Variants in CAMTA2 observed in about 807,000 individuals in gnomAD.
The protein encoded by CAMTA2 is calmodulin binding transcription activator 2.
CAMTA2 carries 56 observed loss-of-function variants against 135.7 expected under a neutral mutation model. The observed-to-expected ratio is 0.41, with a 90% confidence interval of 0.33 to 0.52. The LOEUF (loss-of-function observed/expected upper bound fraction) is 0.52, where lower values mean the gene tolerates loss of function less well. CAMTA2 is among the 20% of genes least tolerant of loss of function. The pLI, the probability that CAMTA2 is intolerant of heterozygous loss-of-function variation, is 0.16. For missense variants in CAMTA2, 1,358 were observed against 1,553.4 expected (o/e 0.87, Z 2.11); for synonymous variants, 591 against 604.6 (o/e 0.98, Z 0.33).
chr17:4,972,342 C>G lies in CAMTA2; in HGVS notation c.2698G>C (p.Ala900Pro), dbSNP rs199714272. 5.0e-6 allele frequency: 8 copies of G among 1,613,508 alleles called. No homozygotes were observed. Among genetic ancestry groups the G allele is most frequent in the Non-Finnish European group, 6.8e-6 (8 of 1,179,740 alleles). Reference protein sequence around the residue: ...EAPLLLMDYEATNSKGPLSSL... With the variant: ...EAPLLLMDYEPTNSKGPLSSL... Reference sequence around the variant, plus strand: ...GAGAGGGGCCCCTTGGAGTTGGTAGCCTCATAGTCCATGAGGAGTAGGGGG... The same window carrying G: ...GAGAGGGGCCCCTTGGAGTTGGTAGGCTCATAGTCCATGAGGAGTAGGGGG... Residue 900 changes from alanine (A) to proline (P), a missense_variant, in exon 16 of 23, where the codon GCT becomes CCT. Transcript: ENST00000348066.
Position 4,969,816 on chromosome 17 carries a change from C to G in CAMTA2, c.3189+86G>C. On this transcript the variant is annotated intron_variant, in intron 18 of 22. Transcript: ENST00000348066. This position sits in a 1 kb window ranked among gnomAD's most constrained non-coding sequence, Gnocchi z 5.6. The stretch of plus-strand genomic sequence containing the variant: ...TTACCCCATCCAAGGCCTGTCTGCA[C>G]GACTACTCATCCTCCAAAAGCCCTG... The G allele has an allele frequency of 6.3e-7, 1 of 1,589,282 alleles. No homozygotes were observed.
At chr17:4,973,549 A>G (rs1567687510) in intron 13 of CAMTA2, 36 bp downstream of exon 13, 1 of 1,580,136 alleles carries the variant, frequency 6.3e-7, no homozygotes, top group South Asian at 1.1e-5. Context: ...TCTGTCCCAG[A>G]GGCTGCCCAG....
chr17:4,986,861 T>A, intron 1 of CAMTA2: 1 of 1,029,486 alleles, frequency 9.7e-7, no homozygotes, highest in Non-Finnish European at 1.5e-6. Context: ...ATTCCCACCC[T>A]CAGGACAACC....
rs1376964118 is a variant in CAMTA2, at chr17:4,973,532, T to A, written c.2201+53A>T. 2.1e-5 allele frequency: 33 copies of A among 1,539,564 alleles called. No individual in the cohort carries two copies. In the South Asian group the frequency reaches 3.9e-4, roughly 18 times the overall value. ...GTCCTCCAATTCCTCTTCAGTCCCC[T>A]GACACTTCTGTCCCAGAGGCTGCCC... On this transcript the variant is annotated intron_variant, in intron 13 of 22. Coordinates refer to ENST00000348066, the MANE Select transcript of CAMTA2 (RefSeq NM_015099.4).
intron 3 of CAMTA2, 79 bp from the exon 4 acceptor site, chr17:4,983,122 T>A: frequency 8.2e-7 from 1 of 1,219,674 alleles, no homozygotes; most frequent in Non-Finnish European, 1.2e-6. Context: ...CCTGTCAGTG[T>A]CTCACTCTCT....
chr17:4,987,179 G>C, intron 1 of CAMTA2: 2 of 1,347,038 alleles, frequency 1.5e-6, no homozygotes, highest in South Asian at 3.9e-5. Context: ...TGCGGAGCGG[G>C]AGCGGGTCCT....
Position 4,974,504 on chromosome 17 carries a change from A to AG in CAMTA2, c.1901-5dup. 1.3e-6 allele frequency: 2 copies of AG among 1,599,912 alleles called. No homozygotes were observed. Among genetic ancestry groups the AG allele is most frequent in the Non-Finnish European group, 1.7e-6 (2 of 1,167,120 alleles). ...ATGGACATCCGGAACTGGTTGTCTG[A>AG]GGGGGAACGGGTATGGGAGGCTGAG... On this transcript the variant is annotated splice_region_variant and splice_polypyrimidine_tract_variant and intron_variant, in intron 11 of 22. Coordinates refer to ENST00000348066, the MANE Select transcript of CAMTA2 (RefSeq NM_015099.4).
intron 16 of CAMTA2, among the ~76,000 whole-genome samples, chr17:4,971,597 G>A (rs564959287): frequency 1.8e-4 from 28 of 152,046 alleles, no homozygotes; most frequent in African/African-American, 6.3e-4. Flanking sequence ...CTCCCACCTC[G>A]TTCTCTGAAA....
At chr17:4,973,134 G>T in intron 14 of CAMTA2, 41 bp downstream of exon 14, 1 of 1,571,008 alleles carries the variant, frequency 6.4e-7, no homozygotes, top group Non-Finnish European at 8.7e-7. Context: ...TGTTCCCATT[G>T]CTCCCTGCCC....
At chr17:4,984,643 G>A (rs1051066310) in intron 3 of CAMTA2, among the ~76,000 whole-genome samples, 3 of 152,192 alleles carry the variant, frequency 2.0e-5, no homozygotes, top group Non-Finnish European at 4.4e-5. Context: ...CTACATACAA[G>A]GCAGTAAGTA....
At chr17:4,987,054 G>C (rs1400441492) in intron 1 of CAMTA2, 1 of 1,409,094 alleles carries the variant, frequency 7.1e-7, no homozygotes, top group Non-Finnish European at 9.2e-7. Context: ...AGGTGTCCAG[G>C]ATGGAGATGG....
chr17:4,972,780 C>T lies in CAMTA2; in HGVS notation c.2492G>A (p.Ser831Asn), dbSNP rs376491320. 12 of 1,613,312 alleles carry T rather than the reference C, an allele frequency of 7.4e-6. No homozygotes were observed. Among genetic ancestry groups the T allele is most frequent in the African/African-American group, 4.0e-5 (3 of 74,922 alleles). The part of the protein sequence containing the change: ...PPFALSPPSS[S>N]PDTGLSSVSS... ...AGGGCCACCCTCACCAGTGTCTGGG[C>T]TGGAGGAGGGTGGCGATAGGGCAAA... The change falls in exon 15 of 23, where the codon AGC becomes AAC. Residue 831 changes from serine (S) to asparagine (N), a missense_variant. Physicochemically the swap from Ser to Asn is conservative, Grantham distance 46. This residue lies in a region of CAMTA2 where 1,077 missense variants were observed against 1,127.5 expected (regional missense o/e 0.96). Coordinates refer to ENST00000348066, the MANE Select transcript of CAMTA2 (RefSeq NM_015099.4).
In CAMTA2 at chr17:4,985,973, G is replaced by A; in HGVS notation, c.42C>T (p.His14=). The change falls in exon 3 of 23, where the codon CAC becomes CAT. Residue 14 remains histidine (H), a synonymous_variant. Coordinates refer to ENST00000348066, the MANE Select transcript of CAMTA2 (RefSeq NM_015099.4). ...KDTTEVAENS[H]HLKIFLPKKL... ...TCTTGGGGAGAAAGATCTTCAGGTG[G>A]TGGCTGTTTTCTAAAGGGAATTAGA... 5.6e-6 allele frequency: 9 copies of A among 1,613,188 alleles called. No individual in the cohort carries two copies. The highest frequency in any genetic ancestry group is 6.8e-6 in the Non-Finnish European group (8 of 1,179,114).
Position 4,972,550 on chromosome 17 carries a change from G to A in CAMTA2, c.2504-14C>T, listed in dbSNP as rs1245279196. On this transcript the variant is annotated splice_polypyrimidine_tract_variant and intron_variant, in intron 15 of 22. Coordinates refer to ENST00000348066, the MANE Select transcript of CAMTA2 (RefSeq NM_015099.4). ...CGCTGCTCAGACCTGTGTGGGGAGG[G>A]AAGAGAGTGAGGGCAGCCGGAGCCA... The A allele has an allele frequency of 6.3e-7, 1 of 1,597,620 alleles. No individual in the cohort carries two copies.
In CAMTA2 at chr17:4,980,514, G is replaced by A. The variant is rs199658398; in HGVS notation, c.808C>T (p.Pro270Ser). Reference sequence around the variant, plus strand: ...GGGGCTATCAGTGGAGGAGGCTCTGGGGGGTGAGCGTGGGGGATAGAGGTC... The same window carrying A: ...GGGGCTATCAGTGGAGGAGGCTCTGAGGGGTGAGCGTGGGGGATAGAGGTC... Reference protein sequence around the residue: ...TLTSIPHAHPPEPPPLIAPLP... With the variant: ...TLTSIPHAHPSEPPPLIAPLP... The change falls in exon 9 of 23, where the codon CCA becomes TCA. Residue 270 changes from proline (P) to serine (S), a missense_variant. By Grantham distance (74) the Pro-to-Ser change is moderately conservative. Transcript: ENST00000348066. The surrounding 1 kb of genome is among the most constrained non-coding windows in gnomAD (Gnocchi z 5.3). The A allele has an allele frequency of 1.9e-6, 3 of 1,612,808 alleles. No homozygotes were observed. The highest frequency in any genetic ancestry group is 2.2e-5 in the East Asian group (1 of 44,860).
At chr17:4,982,680 C>A (rs1045111833) in intron 5 of CAMTA2, 77 bp downstream of exon 5, 2 of 1,529,690 alleles carry the variant, frequency 1.3e-6, no homozygotes, top group African/African-American at 1.4e-5. Flanking sequence ...GCCACCAAGC[C>A]CAGGTCGGGC....
rs1294045663 is a variant in CAMTA2, at chr17:4,968,393, C to G, written c.*363G>C. On this transcript the variant is annotated 3_prime_UTR_variant, in exon 23 of 23. Transcript: ENST00000348066. Reference sequence around the variant, plus strand: ...GCGAAGGCAGTGGTGGGAACCGAGGCGGATACATTCAGAGACGCGTCGAAC... The same window carrying G: ...GCGAAGGCAGTGGTGGGAACCGAGGGGGATACATTCAGAGACGCGTCGAAC... 2.6e-6 allele frequency: 1 copy of G among 381,704 alleles called. No homozygotes were observed. The highest frequency in any genetic ancestry group is 4.9e-6 in the Non-Finnish European group (1 of 205,458). 23.6% of individuals were successfully genotyped at this position (381,704 alleles called of 1,614,324 possible).
intron 9 of CAMTA2, among the ~76,000 whole-genome samples, chr17:4,978,906 A>G (rs1474858650): frequency 6.6e-6 from 1 of 152,216 alleles, no homozygotes; most frequent in African/African-American, 2.4e-5. Context: ...ACCAGAAGGA[A>G]GTTCTGTTCT....
At chr17:4,986,146 G>A (rs764209700) in intron 2 of CAMTA2, 46 bp downstream of exon 2, 3 of 1,215,204 alleles carry the variant, frequency 2.5e-6, no homozygotes, top group Non-Finnish European at 3.7e-6. Context: ...AGCGTGGGGA[G>A]AACGAAAGGC....
Sources: allele counts gnomAD v4.1 joint callset (sites outside exome capture counted in the v4.1 genomes callset), GRCh38; gene constraint gnomAD v4.1.1; regional missense constraint gnomAD v4.1.1; non-coding constraint Gnocchi (gnomAD v3.1); transcripts MANE v1.5; gene names NCBI Gene and HGNC (gene_info 2026-07-23, HGNC 2026-07-21).